Variants in GPHN observed in about 807,000 individuals in gnomAD.
GPHN encodes the protein gephyrin.
GPHN carries 17 observed loss-of-function variants against 95.5 expected under a neutral mutation model. The observed-to-expected ratio is 0.18, with a 90% CI of 0.12 to 0.27. The LOEUF (loss-of-function observed/expected upper bound fraction) is 0.27, where lower values mean the gene tolerates loss of function less well. Ranked by LOEUF, GPHN falls within the 10% of genes least tolerant of loss-of-function variation. The pLI, the probability that GPHN is intolerant of heterozygous loss-of-function variation, is 1.00. For missense variants in GPHN, 660 were observed against 978.1 expected, an observed-to-expected ratio of 0.67 and a Z score of 4.34; for synonymous variants, 320 against 322.5, an observed-to-expected ratio of 0.99 and a Z score of 0.08.
At chr14:67,087,736 A>T (rs1324344681) in intron 11 of GPHN, among the ~76,000 whole-genome samples, 1 of 152,188 alleles carries the variant, frequency 6.6e-6, no homozygotes, top group Non-Finnish European at 1.5e-5. Context: ...CTAGGTGGCT[A>T]AGAAGGTCAA....
At chr14:67,674,552 G>A in the GPHN span, 4 of 1,437,392 alleles carry the variant, frequency 2.8e-6, no homozygotes, top group East Asian at 1.0e-4. Flanking sequence ...TTCCTAGCCC[G>A]GCGGTCAGCC....
chr14:67,165,549 C>T (rs2082227073), intron 20 of GPHN, among the ~76,000 whole-genome samples: 1 of 152,148 alleles, frequency 6.6e-6, no homozygotes, highest in Non-Finnish European at 1.5e-5. Context: ...CCTGCTTTTT[C>T]CTTACAGGAA....
In GPHN at chr14:66,688,115, ATAAAG is replaced by A. The variant is rs1156387119; in HGVS notation, c.143+6935_143+6939del. 6.6e-5 allele frequency among the ~76,000 whole-genome samples: 10 copies of A among 152,368 alleles called. No homozygotes were observed. The South Asian group carries it at 8.3e-4, about 13-fold the overall frequency. On this transcript the variant is annotated intron_variant, in intron 2 of 22. Coordinates refer to ENST00000478722, the MANE Select transcript of GPHN (RefSeq NM_020806.5). ...ACGTATTACATACTGTATTCTTGAAATAAAGTAAACTAGAGAAAAGAAAGTATTAT... is the reference window on the plus strand; with the variant it reads ...ACGTATTACATACTGTATTCTTGAAATAAACTAGAGAAAAGAAAGTATTAT...
chr14:67,416,642 A>ATTCG, the GPHN span, among the ~76,000 whole-genome samples: 1 of 152,238 alleles, frequency 6.6e-6, no homozygotes, highest in Non-Finnish European at 1.5e-5. Context: ...TCATTCATTC[A>ATTCG]TTCACTGAAG....
the GPHN span, among the ~76,000 whole-genome samples, chr14:67,244,485 T>A: frequency 6.6e-6 from 1 of 152,220 alleles, no homozygotes; most frequent in Non-Finnish European, 1.5e-5. Flanking sequence ...CTTTAAAAAA[T>A]ATTTAACTCT....
chr14:67,532,220 T>G, the GPHN span, among the ~76,000 whole-genome samples: 2 of 152,142 alleles, frequency 1.3e-5, no homozygotes, highest in African/African-American at 4.8e-5. Flanking sequence ...TAGTTAGAGA[T>G]TCAGATTCAA....
At chr14:66,966,782 A>C (rs1182290978) in intron 9 of GPHN, among the ~76,000 whole-genome samples, 1 of 152,018 alleles carries the variant, frequency 6.6e-6, no homozygotes, top group Non-Finnish European at 1.5e-5. Flanking sequence ...CTTTTCCTTA[A>C]TAATATGCTG....
the GPHN span, among the ~76,000 whole-genome samples, chr14:67,253,795 T>A: frequency 6.6e-6 from 1 of 151,964 alleles, no homozygotes. Flanking sequence ...GAGCCATGTT[T>A]GTGCTGCTGC....
chr14:67,584,809 G>A, the GPHN span, among the ~76,000 whole-genome samples: 2 of 152,058 alleles, frequency 1.3e-5, no homozygotes, highest in Admixed American at 6.6e-5. Context: ...TCAAATAATC[G>A]TATTCATTTT....
chr14:67,082,854 GTACCACAGATA>G (rs1435897162), intron 11 of GPHN, among the ~76,000 whole-genome samples: 1 of 152,066 alleles, frequency 6.6e-6, no homozygotes, highest in African/African-American at 2.4e-5. Context: ...TTGTATAGAT[GTACCACAGATA>G]TACCACAGTT....
chr14:67,226,167 TTTGTTTATTTAC>T, the GPHN span, among the ~76,000 whole-genome samples: 1 of 152,118 alleles, frequency 6.6e-6, no homozygotes, highest in African/African-American at 2.4e-5. Flanking sequence ...ACTTGAGCAT[TTTGTTTATTTAC>T]TTGTTTATTT....
At chr14:67,001,861 A>C (rs1470328130) in intron 9 of GPHN, among the ~76,000 whole-genome samples, 1 of 151,742 alleles carries the variant, frequency 6.6e-6, no homozygotes. Flanking sequence ...ATCCTAGTGT[A>C]ATTTTTAAAG....
At chr14:67,365,903 A>G in the GPHN span, among the ~76,000 whole-genome samples, 1 of 152,054 alleles carries the variant, frequency 6.6e-6, no homozygotes, top group Non-Finnish European at 1.5e-5. Flanking sequence ...GATTTTGAGG[A>G]TGTCTTATGC....
chr14:67,628,493 T>C, the GPHN span, among the ~76,000 whole-genome samples: 2 of 152,238 alleles, frequency 1.3e-5, no homozygotes, highest in South Asian at 4.1e-4. Context: ...ATAGACACTA[T>C]TGGGATTTGG....
chr14:66,579,271 G>A (rs957925045), intron 1 of GPHN, among the ~76,000 whole-genome samples: 1 of 151,670 alleles, frequency 6.6e-6, no homozygotes, highest in African/African-American at 2.4e-5. Context: ...AAGGAAGACA[G>A]GTAGAGTGGA....
At chr14:67,316,739 GAT>G in the GPHN span, 1 of 917,704 alleles carries the variant, frequency 1.1e-6, no homozygotes, top group Non-Finnish European at 1.6e-6. Context: ...TAAGTGAAGA[GAT>G]ATGTCTAGTG....
intron 7 of GPHN, 152 bp downstream of exon 7, chr14:66,923,090 T>C (rs1430118198): frequency 1.4e-6 from 1 of 703,906 alleles, no homozygotes; most frequent in Non-Finnish European, 2.5e-6. Flanking sequence ...TCCACTACTA[T>C]GTTTCCTTCT....
At chr14:67,041,658 AATAGTG>A (rs2074713075) in intron 10 of GPHN, among the ~76,000 whole-genome samples, 1 of 152,186 alleles carries the variant, frequency 6.6e-6, no homozygotes, top group Non-Finnish European at 1.5e-5. Flanking sequence ...TGCTATTGTG[AATAGTG>A]CCACAATAAA....
chr14:67,270,298 A>T, the GPHN span: 8 of 152,226 alleles, frequency 5.3e-5, no homozygotes, highest in African/African-American at 1.9e-4. Context: ...CAGCTTCGGC[A>T]TGCCAGCCTG....
Sources: gnomAD v4.1 joint callset for allele counts (sites outside exome capture counted in the v4.1 genomes callset) on GRCh38, gnomAD v4.1.1 for gene constraint, MANE v1.5 for transcripts, NCBI Gene and HGNC (gene_info 2026-07-23, HGNC 2026-07-21) for gene names.